Variants in PTPRD observed in about 807,000 individuals in gnomAD.
PTPRD encodes the protein receptor-type tyrosine-protein phosphatase delta.
In PTPRD, 34 loss-of-function variants were observed where a neutral mutation model predicts 214.5. The observed-to-expected ratio is 0.16, with a 90% CI of 0.12 to 0.21. The LOEUF (loss-of-function observed/expected upper bound fraction) is 0.21, where lower values mean the gene tolerates loss of function less well. Ranked by LOEUF, PTPRD falls within the 10% of genes least tolerant of loss-of-function variation. The pLI, the probability that PTPRD is intolerant of heterozygous loss-of-function variation, is 1.00. For synonymous variants in PTPRD, 1,128 were observed against 845.7 expected, an observed-to-expected ratio of 1.33 and a Z score of -5.79; for missense variants, 2,545 against 2,398.7, an observed-to-expected ratio of 1.06 and a Z score of -1.27.
At chr9:9,947,596 AATATATATATTTT>A (rs2092940590) in intron 4 of PTPRD, among the ~76,000 whole-genome samples, 3 of 47,928 alleles carry the variant, frequency 6.3e-5, no homozygotes, top group Admixed American at 3.7e-4. Flanking sequence ...TTATATATAT[AATATATATATTTT>A]ATATATATAT....
chr9:10,521,098 T>G (rs1444235942), intron 2 of PTPRD, among the ~76,000 whole-genome samples: 1 of 151,906 alleles, frequency 6.6e-6, no homozygotes, highest in East Asian at 1.9e-4. Flanking sequence ...CTGGGAAAAG[T>G]GCACTGAAAA....
chr9:9,922,375 C>T (rs896502498), intron 5 of PTPRD, among the ~76,000 whole-genome samples: 9 of 152,056 alleles, frequency 5.9e-5, no homozygotes, highest in African/African-American at 2.2e-4. Context: ...TGGAAGTTCA[C>T]ATAATCAAGG....
At chr9:9,898,659 G>GCTTTATATGAACTTCATATATGAA (rs1301408384) in intron 5 of PTPRD, among the ~76,000 whole-genome samples, 1 of 152,204 alleles carries the variant, frequency 6.6e-6, no homozygotes, top group East Asian at 1.9e-4. Flanking sequence ...TGTCACATAT[G>GCTTTATATGAACTTCATATATGAA]CTTTATATGA....
chr9:9,838,706 T>C (rs2057505830), intron 5 of PTPRD, among the ~76,000 whole-genome samples: 1 of 152,028 alleles, frequency 6.6e-6, no homozygotes, highest in South Asian at 2.1e-4. Context: ...TTTCTCCCAT[T>C]TTTTTAGGTT....
intron 5 of PTPRD, among the ~76,000 whole-genome samples, chr9:9,883,155 C>G (rs984616958): frequency 6.6e-6 from 1 of 151,946 alleles, no homozygotes; most frequent in African/African-American, 2.4e-5. Context: ...AACAAACCCC[C>G]CAAGAGGCGA....
chr9:8,557,411 CTCTT>C (rs1327222662), intron 14 of PTPRD, among the ~76,000 whole-genome samples: 1 of 139,702 alleles, frequency 7.2e-6, no homozygotes, highest in African/African-American at 3.2e-5. Flanking sequence ...AGAAACAAAA[CTCTT>C]TATTTTTCAT....
intron 7 of PTPRD, among the ~76,000 whole-genome samples, chr9:9,675,201 C>T (rs1334920938): frequency 6.6e-6 from 1 of 151,794 alleles, no homozygotes; most frequent in Non-Finnish European, 1.5e-5. Context: ...TCTCATGTGT[C>T]CTTAGAGAAA....
intron 8 of PTPRD, among the ~76,000 whole-genome samples, chr9:9,424,212 A>T (rs1329971601): frequency 6.6e-6 from 1 of 152,194 alleles, no homozygotes; most frequent in Non-Finnish European, 1.5e-5. Context: ...TCACAGTTTT[A>T]CTTCTCTCTC....
At chr9:10,088,763 T>C (rs2098391279) in intron 3 of PTPRD, among the ~76,000 whole-genome samples, 1 of 151,838 alleles carries the variant, frequency 6.6e-6, no homozygotes, top group East Asian at 1.9e-4. Context: ...TCTGGTGTAA[T>C]ATACATAAGC....
At chr9:9,883,205 T>C (rs1048277096) in intron 5 of PTPRD, among the ~76,000 whole-genome samples, 7 of 151,998 alleles carry the variant, frequency 4.6e-5, no homozygotes, top group African/African-American at 1.7e-4. Context: ...TAAAAGATAA[T>C]ACACAAGAAA....
intron 11 of PTPRD, among the ~76,000 whole-genome samples, chr9:8,998,046 T>TA (rs971466107): frequency 1.5e-4 from 23 of 151,210 alleles, no homozygotes; most frequent in East Asian, 3.9e-4. Flanking sequence ...TCATGAGTTT[T>TA]AAAAAAAAAG....
chr9:9,247,184 C>G (rs2099973427), intron 9 of PTPRD, among the ~76,000 whole-genome samples: 1 of 152,066 alleles, frequency 6.6e-6, no homozygotes, highest in Non-Finnish European at 1.5e-5. Context: ...TCATAAGACT[C>G]TCATTCCAGA....
chr9:9,083,622 A>G (rs963182483), intron 10 of PTPRD, among the ~76,000 whole-genome samples: 2 of 152,208 alleles, frequency 1.3e-5, no homozygotes, highest in Non-Finnish European at 2.9e-5. Flanking sequence ...GGCAACCTAC[A>G]GAATGGGAGA....
At chr9:9,694,194 T>C (rs564752690) in intron 7 of PTPRD, among the ~76,000 whole-genome samples, 1 of 152,266 alleles carries the variant, frequency 6.6e-6, no homozygotes, top group African/African-American at 2.4e-5. Flanking sequence ...GAGTTAGGTA[T>C]TTATTGTATT....
intron 39 of PTPRD, among the ~76,000 whole-genome samples, chr9:8,352,523 G>A (rs1354771751): frequency 2.0e-5 from 3 of 152,164 alleles, no homozygotes; most frequent in African/African-American, 7.2e-5. Context: ...GGCCTGCCAA[G>A]TAAAGCTGCG....
chr9:9,523,875 T>C (rs2097055375), intron 8 of PTPRD, among the ~76,000 whole-genome samples: 1 of 152,140 alleles, frequency 6.6e-6, no homozygotes, highest in African/African-American at 2.4e-5. Flanking sequence ...CCGTGTCCTT[T>C]CTTTTGTAAT....
intron 2 of PTPRD, among the ~76,000 whole-genome samples, chr9:10,533,076 G>T (rs1270606806): frequency 6.6e-6 from 1 of 151,982 alleles, no homozygotes; most frequent in African/African-American, 2.4e-5. Context: ...TAGCTACGGG[G>T]TTATTAAAAA....
At chr9:9,590,590 A>C (rs371942404) in intron 7 of PTPRD, among the ~76,000 whole-genome samples, 1 of 152,118 alleles carries the variant, frequency 6.6e-6, no homozygotes, top group East Asian at 1.9e-4. Context: ...AATTTTTAAA[A>C]TAGAAATGGC....
intron 10 of PTPRD, among the ~76,000 whole-genome samples, chr9:9,165,662 A>G (rs1402732405): frequency 6.6e-6 from 1 of 152,228 alleles, no homozygotes; most frequent in Non-Finnish European, 1.5e-5. Flanking sequence ...ATGACTCTGT[A>G]CATATTAAAA....
Sources: allele counts gnomAD v4.1 joint callset (sites outside exome capture counted in the v4.1 genomes callset), GRCh38; gene constraint gnomAD v4.1.1; transcripts MANE v1.5; gene names NCBI Gene and HGNC (gene_info 2026-07-23, HGNC 2026-07-21).